Variants in LRRC20 observed in about 807,000 individuals in gnomAD.
LRRC20 encodes leucine-rich repeat-containing protein 20.
In LRRC20, 11 loss-of-function variants were observed where a neutral mutation model predicts 14.4. The observed-to-expected ratio is 0.77, with a 90% CI of 0.48 to 1.27. The LOEUF is 1.27. LRRC20 is among the 50% of genes most tolerant of loss of function. The pLI, the probability that LRRC20 is intolerant of heterozygous loss-of-function variation, is 0.00. For synonymous variants in LRRC20, 121 were observed against 107.3 expected (o/e 1.13, Z -0.79); for missense variants, 219 against 251.2 (o/e 0.87, Z 0.87).
intron 4 of LRRC20, among the ~76,000 whole-genome samples, chr10:70,309,232 G>A (rs1053308626): frequency 6.6e-6 from 1 of 152,126 alleles, no homozygotes; most frequent in Non-Finnish European, 1.5e-5. Flanking sequence ...GGAAATCAAG[G>A]CGCAAGGAGG....
intron 2 of LRRC20, among the ~76,000 whole-genome samples, chr10:70,343,785 A>C (rs939322467): frequency 6.6e-6 from 1 of 152,230 alleles, no homozygotes; most frequent in African/African-American, 2.4e-5. Flanking sequence ...GGGTAGGAGT[A>C]GGCAGATCTC....
At chr10:70,376,915 G>A in intron 1 of LRRC20, 1 of 234,570 alleles carries the variant, frequency 4.3e-6, no homozygotes, top group Non-Finnish European at 8.5e-6. Context: ...GTGCTGGCCT[G>A]TGATTCACTC....
chr10:70,306,262 G>C (rs559219387), intron 4 of LRRC20, among the ~76,000 whole-genome samples: 1 of 152,090 alleles, frequency 6.6e-6, no homozygotes, highest in Non-Finnish European at 1.5e-5. Flanking sequence ...AAGGGTTCCA[G>C]GTATTCACAT....
chr10:70,337,817 T>C (rs1477402636), intron 3 of LRRC20, among the ~76,000 whole-genome samples: 1 of 152,174 alleles, frequency 6.6e-6, no homozygotes, highest in African/African-American at 2.4e-5. Context: ...CCTGGTGGAT[T>C]GGCCTTTGTT....
chr10:70,371,498 A>G (rs910468329), intron 2 of LRRC20, among the ~76,000 whole-genome samples: 8 of 151,920 alleles, frequency 5.3e-5, no homozygotes, highest in African/African-American at 1.7e-4. Context: ...GTCCCCATGC[A>G]CACTGCAGAG....
chr10:70,304,475 T>TAGATAGATAGATAG (rs1473965613), intron 4 of LRRC20, among the ~76,000 whole-genome samples: 1 of 14,998 alleles, frequency 6.7e-5, no homozygotes, highest in African/African-American at 3.1e-4. Flanking sequence ...CTTCTTTATA[T>TAGATAGATAGATAG]ATATATATAT....
At chr10:70,369,243 C>T (rs1844163716) in intron 2 of LRRC20, among the ~76,000 whole-genome samples, 2 of 152,154 alleles carry the variant, frequency 1.3e-5, no homozygotes, top group South Asian at 4.1e-4. Context: ...AGGTTCACAT[C>T]ATTGGCCTCG....
rs1358024837 is a variant in LRRC20 at position 70,376,543 on chromosome 10, G to T, written c.-10C>A. 1.2e-6 allele frequency: 2 copies of T among 1,612,654 alleles called. No homozygotes were observed. The highest frequency in any genetic ancestry group is 2.2e-5 in the South Asian group (2 of 91,082). On this transcript the variant is annotated 5_prime_UTR_variant, in exon 2 of 5. The change creates a new upstream start codon in the 5' untranslated region. Transcript: ENST00000446961. ...CCATCTTCTTCAGCATGCAGACACA[G>T]GTGTCCTGCCGCCAGCCCCCAGGCT...
chr10:70,318,519 C>T (rs1438434504), intron 4 of LRRC20, among the ~76,000 whole-genome samples: 3 of 152,068 alleles, frequency 2.0e-5, no homozygotes, highest in African/African-American at 7.2e-5. Context: ...TTTGGGAGGC[C>T]GAGGCGGGCA....
intron 2 of LRRC20, among the ~76,000 whole-genome samples, chr10:70,374,052 GCTC>G (rs765487200): frequency 1.1e-4 from 16 of 152,130 alleles, no homozygotes; most frequent in Non-Finnish European, 2.2e-4. Context: ...AAGTTCAGGG[GCTC>G]CTCAACACAG....
chr10:70,347,716 G>T (rs1293852598), intron 2 of LRRC20, among the ~76,000 whole-genome samples: 1 of 151,794 alleles, frequency 6.6e-6, no homozygotes, highest in African/African-American at 2.4e-5. Context: ...CTACTTGGGG[G>T]GCTGAGGTGG....
chr10:70,317,848 T>G (rs1438366415), intron 4 of LRRC20, among the ~76,000 whole-genome samples: 7 of 152,196 alleles, frequency 4.6e-5, no homozygotes. Context: ...CTGGGAGGTC[T>G]GAAGCCTCCC....
At chr10:70,368,706 T>A (rs1844135507) in intron 2 of LRRC20, among the ~76,000 whole-genome samples, 1 of 151,982 alleles carries the variant, frequency 6.6e-6, no homozygotes, top group Admixed American at 6.6e-5. Context: ...CTGTGCAACC[T>A]CCGCCTCCCA....
intron 1 of LRRC20, among the ~76,000 whole-genome samples, chr10:70,379,095 C>T (rs1047170513): frequency 2.6e-5 from 4 of 152,196 alleles, no homozygotes; most frequent in Admixed American, 2.6e-4. Flanking sequence ...GATCAACAGA[C>T]ATCATTTGTG....
At chr10:70,382,368 G>GCTGGTGCACCGCTGCT (rs756985029) in intron 1 of LRRC20, 181 bp downstream of exon 1, 55 of 152,518 alleles carry the variant, frequency 3.6e-4, no homozygotes, top group Admixed American at 1.0e-3. Context: ...CAGAGCCTCC[G>GCTGGTGCACCGCTGCT]CTGGTGCACC....
intron 4 of LRRC20, among the ~76,000 whole-genome samples, chr10:70,311,756 G>A (rs1841676207): frequency 1.3e-5 from 2 of 152,106 alleles, no homozygotes; most frequent in African/African-American, 4.8e-5. Flanking sequence ...AGTGGCCTAT[G>A]GCAAGGCAAA....
chr10:70,376,370 G>T, intron 2 of LRRC20, 82 bp downstream of exon 2: 3 of 1,394,674 alleles, frequency 2.2e-6, no homozygotes, highest in Non-Finnish European at 3.0e-6. Flanking sequence ...ACTGACGCTT[G>T]TGTCTTTCAT....
At chr10:70,354,510 AC>A (rs1053541844) in intron 2 of LRRC20, among the ~76,000 whole-genome samples, 6 of 152,050 alleles carry the variant, frequency 3.9e-5, no homozygotes, top group African/African-American at 1.5e-4. Context: ...CTCAGGCACC[AC>A]CCCAGTCCCA....
chr10:70,302,201 C>T (rs1255491252), intron 4 of LRRC20, among the ~76,000 whole-genome samples: 1 of 152,048 alleles, frequency 6.6e-6, no homozygotes, highest in African/African-American at 2.4e-5. Context: ...GTAATCCCAG[C>T]TACTTGGGAG....
Sources: gnomAD v4.1 joint callset for allele counts (sites outside exome capture counted in the v4.1 genomes callset) on GRCh38, gnomAD v4.1.1 for gene constraint, MANE v1.5 for transcripts, NCBI Gene and HGNC (gene_info 2026-07-23, HGNC 2026-07-21) for gene names.